Variants in TMEFF1 observed in about 807,000 individuals in gnomAD.
The protein encoded by TMEFF1 is transmembrane protein with EGF like and two follistatin like domains 1.
Under a neutral mutation model 47.5 loss-of-function variants are expected in TMEFF1, and 20 were observed. The ratio of observed to expected loss-of-function variants is 0.42; its 90% confidence interval spans 0.30 to 0.61. The LOEUF (loss-of-function observed/expected upper bound fraction) is 0.61, where lower values mean the gene tolerates loss of function less well. TMEFF1 is among the 20% of genes least tolerant of loss of function. The pLI, the probability that TMEFF1 is intolerant of heterozygous loss-of-function variation, is 0.19. For synonymous variants in TMEFF1, 162 were observed against 166.3 expected, an observed-to-expected ratio of 0.97 and a Z score of 0.20; for missense variants, 411 against 471.1, an observed-to-expected ratio of 0.87 and a Z score of 1.18.
At chr9:100,552,619 T>C (rs1479048643) in intron 7 of TMEFF1, among the ~76,000 whole-genome samples, 1 of 152,204 alleles carries the variant, frequency 6.6e-6, no homozygotes, top group Non-Finnish European at 1.5e-5. Context: ...GAGTATTGTC[T>C]GTTATAATAG....
At chr9:100,563,119 T>G (rs981814743) in intron 8 of TMEFF1, among the ~76,000 whole-genome samples, 2 of 152,130 alleles carry the variant, frequency 1.3e-5, no homozygotes, top group Admixed American at 1.3e-4. Context: ...CCCAGCCTAA[T>G]TTTTTGCATT....
chr9:100,569,648 T>C (rs1019504659), intron 8 of TMEFF1, among the ~76,000 whole-genome samples: 1 of 152,164 alleles, frequency 6.6e-6, no homozygotes, highest in Non-Finnish European at 1.5e-5. Flanking sequence ...CTATGTTTTA[T>C]TCTCTTCTAA....
At chr9:100,525,149 AGTGTG>A (rs1311437754) in intron 5 of TMEFF1, among the ~76,000 whole-genome samples, 2 of 152,124 alleles carry the variant, frequency 1.3e-5, no homozygotes, top group African/African-American at 4.8e-5. Flanking sequence ...ATCTCCCTTC[AGTGTG>A]GTGTCTTTTC....
At chr9:100,509,349 G>C (rs1837918996) in intron 3 of TMEFF1, among the ~76,000 whole-genome samples, 1 of 152,088 alleles carries the variant, frequency 6.6e-6, no homozygotes, top group South Asian at 2.1e-4. Context: ...TTACTACATT[G>C]TTAAGGCTTA....
intron 5 of TMEFF1, among the ~76,000 whole-genome samples, chr9:100,542,203 G>A (rs1438485097): frequency 6.6e-6 from 1 of 150,790 alleles, no homozygotes; most frequent in Non-Finnish European, 1.5e-5. Flanking sequence ...TGCATATTCA[G>A]CTTATCACAA....
At chr9:100,561,317 G>T in intron 7 of TMEFF1, 80 bp from the exon 8 acceptor site, 1 of 1,546,764 alleles carries the variant, frequency 6.5e-7, no homozygotes, top group Non-Finnish European at 8.7e-7. Context: ...GAATTCATTT[G>T]CTGTTTCAGA....
intron 5 of TMEFF1, among the ~76,000 whole-genome samples, chr9:100,532,050 G>A (rs1007183442): frequency 8.0e-4 from 122 of 151,932 alleles, no homozygotes; most frequent in South Asian, 1.9e-3. Flanking sequence ...GTAGAAAGCT[G>A]AAACTGGATC....
chr9:100,508,434 A>G (rs1375232664), intron 2 of TMEFF1, among the ~76,000 whole-genome samples: 2 of 152,000 alleles, frequency 1.3e-5, no homozygotes, highest in Non-Finnish European at 2.9e-5. Flanking sequence ...TTCAGCTTAC[A>G]ATAATAGGTA....
intron 5 of TMEFF1, among the ~76,000 whole-genome samples, chr9:100,546,851 A>G (rs1838741712): frequency 6.6e-6 from 1 of 152,054 alleles, no homozygotes; most frequent in Non-Finnish European, 1.5e-5. Context: ...GAGGGGAGTA[A>G]TCTTGCTTTG....
chr9:100,516,558 T>G (rs748940562), intron 4 of TMEFF1, 117 bp from the exon 5 acceptor site: 12 of 1,326,538 alleles, frequency 9.0e-6, no homozygotes, highest in Non-Finnish European at 1.1e-5. Flanking sequence ...AAGTGACTGT[T>G]TTCAAGAGCT....
intron 7 of TMEFF1, among the ~76,000 whole-genome samples, chr9:100,558,660 T>C (rs1213635157): frequency 1.3e-5 from 2 of 151,886 alleles, no homozygotes; most frequent in Non-Finnish European, 2.9e-5. Flanking sequence ...GAAACCTTTA[T>C]TGGATAATAA....
intron 5 of TMEFF1, among the ~76,000 whole-genome samples, chr9:100,527,653 G>A (rs770124357): frequency 6.6e-6 from 1 of 152,128 alleles, no homozygotes; most frequent in African/African-American, 2.4e-5. Context: ...AGGCGGCAGC[G>A]AGGCTGGGGG....
rs765964964 is a variant in TMEFF1, at chr9:100,473,540, C to T, written c.-5C>T. 58 of 1,487,168 alleles carry T rather than the reference C, an allele frequency of 3.9e-5. No individual in the cohort carries two copies. In the African/African-American group the frequency reaches 6.3e-4, roughly 16 times the overall value. 92.1% of individuals were successfully genotyped at this position (1,487,168 alleles called of 1,614,324 possible). On this transcript the variant is annotated 5_prime_UTR_variant, in exon 1 of 10. Coordinates refer to ENST00000374879, the MANE Select transcript of TMEFF1 (RefSeq NM_003692.5). The surrounding 1 kb of genome is among the most constrained non-coding windows in gnomAD (Gnocchi z 5.4). ...TGCGCTTCCCGCCGTCCAGGGGCAC[C>T]AGTCATGGGCGCCGCAGCCGCTGAG...
chr9:100,511,841 G>A (rs553621159), intron 3 of TMEFF1, among the ~76,000 whole-genome samples: 1 of 152,304 alleles, frequency 6.6e-6, no homozygotes, highest in East Asian at 1.9e-4. Context: ...ACGGAATCGT[G>A]TAGGTTGGGG....
At chr9:100,485,655 C>T (rs1022311300) in intron 1 of TMEFF1, among the ~76,000 whole-genome samples, 2 of 152,084 alleles carry the variant, frequency 1.3e-5, no homozygotes, top group Admixed American at 6.6e-5. Context: ...ATAACTTCAA[C>T]CTATTTATCC....
chr9:100,534,421 T>G (rs765525128), intron 5 of TMEFF1, among the ~76,000 whole-genome samples: 2 of 152,190 alleles, frequency 1.3e-5, no homozygotes, highest in Non-Finnish European at 2.9e-5. Flanking sequence ...TAAATGTAGT[T>G]AAATGTTTCA....
In TMEFF1 at chr9:100,508,883, A is replaced by C. The variant is rs1008993881; in HGVS notation, c.307-122A>C. The stretch of plus-strand genomic sequence containing the variant: ...ATTCTTTTTAAGCCAAAAAAAAAAA[A>C]AAACCCCAGACTATTCAGTAGCGAA... On this transcript the variant is annotated intron_variant, in intron 2 of 9. Transcript: ENST00000374879. The C allele has an allele frequency of 9.7e-6, 12 of 1,230,930 alleles. No homozygotes were observed. The Admixed American group carries it at 2.3e-4, about 24-fold the overall frequency. 76.3% of individuals were successfully genotyped at this position (1,230,930 alleles called of 1,614,324 possible).
intron 1 of TMEFF1, among the ~76,000 whole-genome samples, chr9:100,490,867 G>GTGTGTGTGTGTA (rs1318482921): frequency 2.7e-5 from 4 of 150,420 alleles, no homozygotes; most frequent in Admixed American, 6.6e-5. Context: ...GTGTGTGTGT[G>GTGTGTGTGTGTA]TGTGTATGTG....
chr9:100,570,380 T>G (rs1400648492), intron 8 of TMEFF1, among the ~76,000 whole-genome samples: 2 of 152,168 alleles, frequency 1.3e-5, no homozygotes, highest in Admixed American at 1.3e-4. Context: ...TAACTGTATC[T>G]TATGTTTTTT....
Sources: gnomAD v4.1 joint callset for allele counts (sites outside exome capture counted in the v4.1 genomes callset) on GRCh38, gnomAD v4.1.1 for gene constraint, Gnocchi (gnomAD v3.1) non-coding constraint, MANE v1.5 for transcripts, NCBI Gene and HGNC (gene_info 2026-07-23, HGNC 2026-07-21) for gene names.